ARPP21: variants seen among roughly 807,000 people sequenced by gnomAD.
The protein encoded by ARPP21 is cAMP-regulated phosphoprotein 21.
In ARPP21, 69 loss-of-function variants were observed where a neutral mutation model predicts 113.2. The observed-to-expected ratio is 0.61, with a 90% CI of 0.50 to 0.74. ARPP21 has a LOEUF of 0.74. ARPP21 is among the 30% of genes least tolerant of loss of function. The pLI is 0.00. For synonymous variants in ARPP21, 368 were observed against 375.5 expected (o/e 0.98, Z 0.23); for missense variants, 1,070 against 1,037.4 (o/e 1.03, Z -0.43).
chr3:35,736,688 A>G (rs979238038), intron 15 of ARPP21, among the ~76,000 whole-genome samples: 3 of 152,234 alleles, frequency 2.0e-5, no homozygotes, highest in African/African-American at 7.2e-5. Context: ...TATTGGAAGA[A>G]CTGATAATGA....
chr3:35,673,018 A>T (rs1559563519), intron 1 of ARPP21, among the ~76,000 whole-genome samples: 1 of 152,066 alleles, frequency 6.6e-6, no homozygotes, highest in Non-Finnish European at 1.5e-5. Flanking sequence ...TACGTAGAAA[A>T]CTCAGTCAAA....
intron 4 of ARPP21, among the ~76,000 whole-genome samples, chr3:35,683,496 A>AT (rs3215211): frequency 0.085 from 12,954 of 151,628 alleles, 910 homozygotes; most frequent in Admixed American, 0.24. Flanking sequence ...TACTAAAAGT[A>AT]TTTTTTTTAA....
intron 1 of ARPP21, among the ~76,000 whole-genome samples, chr3:35,663,267 G>GT (rs147058068): frequency 0.086 from 13,124 of 152,116 alleles, 748 homozygotes; most frequent in Non-Finnish European, 0.13. Context: ...ATTTGGGTCA[G>GT]TTTTTTCAAA....
At chr3:35,645,069 CA>C (rs1699694671) in intron 1 of ARPP21, among the ~76,000 whole-genome samples, 1 of 151,850 alleles carries the variant, frequency 6.6e-6, no homozygotes, top group Admixed American at 6.6e-5. Flanking sequence ...AATTATTTAT[CA>C]GTCATAAATT....
At chr3:35,721,895 T>TG in intron 14 of ARPP21, 61 bp downstream of exon 14, 1 of 1,056,058 alleles carries the variant, frequency 9.5e-7, no homozygotes. Context: ...CCAAGCCATA[T>TG]GGTCACCATT....
At chr3:35,655,104 C>A (rs1220133223) in intron 1 of ARPP21, among the ~76,000 whole-genome samples, 1 of 151,790 alleles carries the variant, frequency 6.6e-6, no homozygotes, top group Non-Finnish European at 1.5e-5. Flanking sequence ...TAACCTAATT[C>A]ATCATATGCA....
chr3:35,763,491 C>T (rs1462957858), intron 19 of ARPP21, among the ~76,000 whole-genome samples: 1 of 152,100 alleles, frequency 6.6e-6, no homozygotes, highest in Non-Finnish European at 1.5e-5. Context: ...GAGTTGAGTA[C>T]TGGCTGACCC....
rs1266339430 is a variant in ARPP21, at chr3:35,793,994, T to A, written c.*36T>A. On this transcript the variant is annotated 3_prime_UTR_variant, in exon 21 of 21. Transcript: ENST00000684406. ...TGTGGTACATTTCTTCAGATATTTC[T>A]CATGGCCTTTGATGGAAGAGGAACA... The A allele has an allele frequency of 5.1e-6, 8 of 1,577,060 alleles. No homozygotes were observed. In the East Asian group the frequency reaches 1.9e-4, roughly 37 times the overall value.
At chr3:35,689,159 A>T in intron 6 of ARPP21, 148 bp from the exon 7 acceptor site, 1 of 647,218 alleles carries the variant, frequency 1.5e-6, no homozygotes, top group Non-Finnish European at 2.8e-6. Flanking sequence ...ATATTGCCAG[A>T]TTGCTAGTTT....
chr3:35,704,811 G>T (rs368339016), intron 9 of ARPP21, among the ~76,000 whole-genome samples: 1 of 151,930 alleles, frequency 6.6e-6, no homozygotes, highest in East Asian at 1.9e-4. Flanking sequence ...TACCAGGCAT[G>T]GTTCTAGGCA....
At chr3:35,769,466 C>T (rs1379513916) in intron 19 of ARPP21, among the ~76,000 whole-genome samples, 1 of 152,144 alleles carries the variant, frequency 6.6e-6, no homozygotes, top group Non-Finnish European at 1.5e-5. Context: ...AAATAGGATC[C>T]TGAGTCTGCT....
chr3:35,721,975 A>G (rs2093120816), intron 14 of ARPP21, 141 bp downstream of exon 14: 1 of 621,318 alleles, frequency 1.6e-6, no homozygotes, highest in African/African-American at 1.9e-5. Context: ...AGAAGGTACA[A>G]TTTAAATAGG....
intron 9 of ARPP21, among the ~76,000 whole-genome samples, chr3:35,696,264 A>G (rs1236017389): frequency 6.6e-6 from 1 of 151,600 alleles, no homozygotes; most frequent in African/African-American, 2.4e-5. Context: ...AAAGTAGGAA[A>G]TAATATTTGT....
chr3:35,684,171 T>C, intron 5 of ARPP21: 1 of 1,378,526 alleles, frequency 7.3e-7, no homozygotes, highest in Non-Finnish European at 9.5e-7. Context: ...CTCTCCTTCC[T>C]TGTTGGAGAT....
intron 19 of ARPP21, among the ~76,000 whole-genome samples, chr3:35,780,362 G>A (rs936370084): frequency 1.3e-5 from 2 of 152,142 alleles, no homozygotes; most frequent in African/African-American, 4.8e-5. Context: ...ATAAAAGTGG[G>A]GAGTGCAAAG....
At chr3:35,773,654 A>G (rs1413438448) in intron 19 of ARPP21, among the ~76,000 whole-genome samples, 2 of 152,158 alleles carry the variant, frequency 1.3e-5, no homozygotes, top group Non-Finnish European at 2.9e-5. Flanking sequence ...GTCCTTCATC[A>G]TGATCTTGTT....
At chr3:35,741,760 T>C (rs2094676337) in intron 18 of ARPP21, among the ~76,000 whole-genome samples, 1 of 152,218 alleles carries the variant, frequency 6.6e-6, no homozygotes, top group Non-Finnish European at 1.5e-5. Flanking sequence ...TACTCCTTTC[T>C]CCCTTCACCT....
intron 14 of ARPP21, among the ~76,000 whole-genome samples, chr3:35,728,115 A>G (rs189842142): frequency 6.6e-4 from 99 of 150,378 alleles, no homozygotes; most frequent in African/African-American, 2.2e-3. Context: ...AATATGTAAA[A>G]TTCAATGCAG....
chr3:35,740,157 G>C (rs1276464133), intron 18 of ARPP21, among the ~76,000 whole-genome samples: 2 of 152,174 alleles, frequency 1.3e-5, no homozygotes, highest in Non-Finnish European at 2.9e-5. Context: ...TAATTGACTT[G>C]AGCATGTAAG....
Sources: gnomAD v4.1 joint callset for allele counts (sites outside exome capture counted in the v4.1 genomes callset) on GRCh38, gnomAD v4.1.1 for gene constraint, MANE v1.5 for transcripts, NCBI Gene and HGNC (gene_info 2026-07-23, HGNC 2026-07-21) for gene names.